The following GPCPD1 variants were observed in gnomAD, a reference collection of about 807,000 sequenced individuals.
GPCPD1 encodes the protein glycerophosphocholine phosphodiesterase 1, also known as glycerophosphocholine phosphodiesterase GPCPD1.
GPCPD1 carries 29 observed loss-of-function variants against 89.2 expected under a neutral mutation model. The observed-to-expected ratio is 0.33, with a 90% confidence interval of 0.24 to 0.44. The LOEUF (loss-of-function observed/expected upper bound fraction) is 0.44. Ranked by LOEUF, GPCPD1 falls within the 20% of genes least tolerant of loss-of-function variation. The pLI is 1.00. For missense variants in GPCPD1, 594 were observed against 808.9 expected, an observed-to-expected ratio of 0.73 and a Z score of 3.22; for synonymous variants, 258 against 266.3, an observed-to-expected ratio of 0.97 and a Z score of 0.30.
intron 3 of GPCPD1, among the ~76,000 whole-genome samples, chr20:5,596,475 C>T (rs544465226): frequency 5.7e-4 from 86 of 152,120 alleles, no homozygotes; most frequent in Non-Finnish European, 8.8e-4. Context: ...CCAGGAAAGA[C>T]GGGTAGTCAT....
At chr20:5,593,502 G>C (rs898010849) in intron 3 of GPCPD1, 91 bp from the exon 4 acceptor site, 2 of 721,356 alleles carry the variant, frequency 2.8e-6, no homozygotes, top group Non-Finnish European at 4.9e-6. Flanking sequence ...CAAATAAAAC[G>C]TATGACCAAT....
chr20:5,602,202 G>A (rs1017961435), intron 2 of GPCPD1, among the ~76,000 whole-genome samples: 5 of 152,170 alleles, frequency 3.3e-5, no homozygotes, highest in South Asian at 4.1e-4. Flanking sequence ...TCCTTGGCAC[G>A]TACAGAGTCA....
At chr20:5,575,349 C>A in intron 10 of GPCPD1, 64 bp downstream of exon 10, 1 of 1,117,264 alleles carries the variant, frequency 9.0e-7, no homozygotes, top group Non-Finnish European at 1.3e-6. Flanking sequence ...GCTGAGAAAA[C>A]CAGTGTAACT....
intron 15 of GPCPD1, among the ~76,000 whole-genome samples, chr20:5,563,456 TCTTA>T (rs1986206027): frequency 6.6e-6 from 1 of 152,248 alleles, no homozygotes; most frequent in African/African-American, 2.4e-5. Flanking sequence ...GAAGAAATGA[TCTTA>T]CTTAGATGGG....
intron 3 of GPCPD1, among the ~76,000 whole-genome samples, chr20:5,598,475 T>A (rs1979887480): frequency 6.8e-6 from 1 of 146,712 alleles, no homozygotes; most frequent in African/African-American, 2.5e-5. Context: ...TCCTGAGTTG[T>A]AAAAATAAAA....
At chr20:5,553,072 G>A (rs113810309) in intron 19 of GPCPD1, among the ~76,000 whole-genome samples, 25 of 152,180 alleles carry the variant, frequency 1.6e-4, no homozygotes, top group African/African-American at 5.3e-4. Flanking sequence ...CCCCACCTGC[G>A]CTTTTCAGAT....
At chr20:5,583,831 G>T (rs1381383853) in intron 6 of GPCPD1, among the ~76,000 whole-genome samples, 1 of 152,104 alleles carries the variant, frequency 6.6e-6, no homozygotes, top group African/African-American at 2.4e-5. Context: ...GAGGTAAAAG[G>T]CTACATTAGC....
chr20:5,551,183 A>G (rs528032369), intron 19 of GPCPD1, among the ~76,000 whole-genome samples: 129 of 152,344 alleles, frequency 8.5e-4, no homozygotes, highest in African/African-American at 2.9e-3. Flanking sequence ...TATACCTCCT[A>G]TGCCTGACCC....
intron 19 of GPCPD1, among the ~76,000 whole-genome samples, chr20:5,556,951 G>T (rs1279033793): frequency 6.6e-6 from 1 of 152,262 alleles, no homozygotes; most frequent in Non-Finnish European, 1.5e-5. Context: ...GATGATAAAT[G>T]ATATGGAGAC....
intron 4 of GPCPD1, 38 bp from the exon 5 acceptor site, chr20:5,586,307 A>AT (rs780922325): frequency 6.2e-5 from 72 of 1,169,620 alleles, no homozygotes; most frequent in Non-Finnish European, 8.7e-5. Context: ...ATAATTTCTT[A>AT]TATCTTATTT....
intron 5 of GPCPD1, 28 bp downstream of exon 5, chr20:5,586,166 C>T (rs1172213658): frequency 3.4e-6 from 4 of 1,170,928 alleles, no homozygotes; most frequent in Non-Finnish European, 5.1e-6. Flanking sequence ...ATGCATATGC[C>T]TCAAACAGAT....
intron 19 of GPCPD1, chr20:5,549,552 C>T: frequency 1.1e-6 from 1 of 892,760 alleles, no homozygotes. Flanking sequence ...GATTTTGGAG[C>T]TGAATCAAAG....
intron 16 of GPCPD1, among the ~76,000 whole-genome samples, chr20:5,561,128 T>C (rs1986053517): frequency 6.6e-6 from 1 of 152,240 alleles, no homozygotes; most frequent in Non-Finnish European, 1.5e-5. Flanking sequence ...GAAAATTATT[T>C]AAAACATTCT....
At chr20:5,556,230 CAG>C (rs1252312326) in intron 19 of GPCPD1, among the ~76,000 whole-genome samples, 3 of 152,008 alleles carry the variant, frequency 2.0e-5, no homozygotes, top group Admixed American at 1.3e-4. Flanking sequence ...TTTTTTTAGA[CAG>C]AGTCTCACTC....
Position 5,573,864 on chromosome 20 carries a change from G to A in GPCPD1, c.1056+51C>T, listed in dbSNP as rs750647980. On this transcript the variant is annotated intron_variant, in intron 11 of 19. Coordinates refer to ENST00000379019, the MANE Select transcript of GPCPD1 (RefSeq NM_019593.5). ...TAATAAAAACTGGAGGAGACTCCCTGATCCATATTTCTCTACCTCAGCAGT... is the reference window on the plus strand; with the variant it reads ...TAATAAAAACTGGAGGAGACTCCCTAATCCATATTTCTCTACCTCAGCAGT... 6.5e-5 allele frequency: 60 copies of A among 925,826 alleles called. No homozygotes were observed. The South Asian group carries it at 7.5e-4, about 12-fold the overall frequency. 57.4% of individuals were successfully genotyped at this position (925,826 alleles called of 1,614,324 possible).
intron 19 of GPCPD1, among the ~76,000 whole-genome samples, chr20:5,555,842 G>A (rs955110131): frequency 1.3e-5 from 2 of 152,212 alleles, no homozygotes; most frequent in African/African-American, 2.4e-5. Context: ...TATTAAGAGT[G>A]AGACTCTGTC....
At position 5,584,531 on chromosome 20, in the gene GPCPD1, C is replaced by T. The variant is rs41297638; in HGVS notation, c.308-209G>A. ...AAACAGTAATGGTTCTTACATACTT[C>T]GTTGATTGTCCATTATGTTAAAAAG... is the stretch of plus-strand genomic sequence containing the variant. On this transcript the variant is annotated intron_variant, in intron 5 of 19. Transcript: ENST00000379019. 942 of 327,934 alleles carry T rather than the reference C, an allele frequency of 2.9e-3. 6 individuals are homozygous for T. The highest frequency in any genetic ancestry group is 0.01 in the Middle Eastern group (12 of 1,170). 20.3% of individuals were successfully genotyped at this position (327,934 alleles called of 1,614,324 possible). A position where few individuals can be genotyped will look rare whatever the true frequency, so the allele number is the denominator to read the frequency against.
chr20:5,608,121 CTA>C, intron 1 of GPCPD1, among the ~76,000 whole-genome samples: 1 of 152,266 alleles, frequency 6.6e-6, no homozygotes, highest in East Asian at 1.9e-4. Context: ...AAAATTATCT[CTA>C]GATTTCTACT....
intron 12 of GPCPD1, 64 bp downstream of exon 12, chr20:5,570,083 A>C: frequency 1.4e-6 from 1 of 722,174 alleles, no homozygotes; most frequent in South Asian, 1.8e-5. Context: ...ATATAAAAAA[A>C]CTTCCTAGTT....
Sources: gnomAD v4.1 joint callset for allele counts (sites outside exome capture counted in the v4.1 genomes callset) on GRCh38, gnomAD v4.1.1 for gene constraint, MANE v1.5 for transcripts, NCBI Gene and HGNC (gene_info 2026-07-23, HGNC 2026-07-21) for gene names.